The following THSD4 variants were observed in gnomAD, a reference collection of about 807,000 sequenced individuals.
The protein encoded by THSD4 is thrombospondin type-1 domain-containing protein 4.
Under a neutral mutation model 119.0 loss-of-function variants are expected in THSD4, and 69 were observed. That is an observed-to-expected ratio of 0.58 (90% CI 0.48 to 0.71). The LOEUF (loss-of-function observed/expected upper bound fraction) is 0.71, where lower values mean the gene tolerates loss of function less well. Among genes scored for constraint, THSD4 ranks in the 30% least tolerant of loss-of-function variants. The pLI is 0.00. For synonymous variants in THSD4, 524 were observed against 540.4 expected, an observed-to-expected ratio of 0.97 and a Z score of 0.42; for missense variants, 1,393 against 1,391.1, an observed-to-expected ratio of 1.00 and a Z score of -0.02.
chr15:71,735,077 G>A (rs2141142930), intron 10 of THSD4, among the ~76,000 whole-genome samples: 1 of 151,772 alleles, frequency 6.6e-6, no homozygotes, highest in Admixed American at 6.6e-5. Context: ...CTGCTTGGGG[G>A]TTACACACAC....
intron 7 of THSD4, among the ~76,000 whole-genome samples, chr15:71,482,246 C>T (rs936379898): frequency 1.3e-5 from 2 of 151,278 alleles, no homozygotes; most frequent in African/African-American, 2.4e-5. Context: ...CTCCAGCCAT[C>T]ATATTTGAGT....
chr15:71,563,995 C>T (rs1030109633), intron 7 of THSD4, among the ~76,000 whole-genome samples: 1 of 152,194 alleles, frequency 6.6e-6, no homozygotes, highest in Non-Finnish European at 1.5e-5. Flanking sequence ...TTCCAAATTG[C>T]ACTGAGTTTT....
chr15:71,452,703 C>T (rs1233345471), intron 7 of THSD4, among the ~76,000 whole-genome samples: 1 of 152,100 alleles, frequency 6.6e-6, no homozygotes, highest in Non-Finnish European at 1.5e-5. Flanking sequence ...ACAGCCTCCA[C>T]CTCCTGGGTT....
intron 7 of THSD4, among the ~76,000 whole-genome samples, chr15:71,633,437 G>T (rs2050676345): frequency 1.3e-5 from 2 of 151,890 alleles, no homozygotes; most frequent in South Asian, 4.2e-4. Flanking sequence ...CGCCATGCTG[G>T]CTTATTTTTG....
At chr15:71,293,179 A>G (rs2044816721) in intron 6 of THSD4, among the ~76,000 whole-genome samples, 1 of 152,194 alleles carries the variant, frequency 6.6e-6, no homozygotes, top group Admixed American at 6.5e-5. Context: ...GCAGCTCAGC[A>G]TGCATAGGTG....
chr15:71,732,842 C>A (rs2141138122), intron 10 of THSD4: 1 of 152,242 alleles, frequency 6.6e-6, no homozygotes, highest in Middle Eastern at 3.4e-3. Flanking sequence ...GGCACAAGTG[C>A]CAAACCCGCC....
chr15:71,757,848 G>A (rs1298213996), intron 14 of THSD4, 54 bp from the exon 15 acceptor site: 1 of 1,601,422 alleles, frequency 6.2e-7, no homozygotes, highest in East Asian at 2.2e-5. Flanking sequence ...TTTGAAAGTG[G>A]CTTCAGCAGC....
intron 7 of THSD4, among the ~76,000 whole-genome samples, chr15:71,635,785 G>A (rs569454654): frequency 7.2e-5 from 11 of 152,182 alleles, no homozygotes; most frequent in South Asian, 2.1e-4. Flanking sequence ...TGGAATTAAC[G>A]TTTATTGGGT....
chr15:71,753,375 A>G (rs1460644102), intron 14 of THSD4, among the ~76,000 whole-genome samples: 1 of 152,248 alleles, frequency 6.6e-6, no homozygotes, highest in Admixed American at 6.5e-5. Flanking sequence ...GGTAACACCT[A>G]ATTTCTAAGA....
intron 7 of THSD4, among the ~76,000 whole-genome samples, chr15:71,653,312 G>C (rs1875413): frequency 0.37 from 55,706 of 152,128 alleles, 11,200 homozygotes; most frequent in East Asian, 0.9. Context: ...AAGGCTGTTT[G>C]TGCACTTCTG....
Position 71,777,272 on chromosome 15 carries a change from G to A in THSD4, c.2955G>A (p.Val985=). Residue 985 remains valine, a synonymous_variant, in exon 18 of 18, where the codon GTG becomes GTA. Coordinates refer to ENST00000261862, the MANE Select transcript of THSD4 (RefSeq NM_024817.3). ...CKDKYYNCNV[V]VQARLCVYNY... ...ACAAGTACTACAACTGCAACGTGGT[G>A]GTCCAGGCAAGACTCTGTGTCTACA... 5 of 1,614,204 alleles carry A rather than the reference G, an allele frequency of 3.1e-6. No individual in the cohort carries two copies. The highest frequency in any genetic ancestry group is 4.2e-6 in the Non-Finnish European group (5 of 1,180,032).
chr15:71,506,405 C>T (rs537552629), intron 7 of THSD4, among the ~76,000 whole-genome samples: 16 of 152,342 alleles, frequency 1.1e-4, no homozygotes, highest in African/African-American at 1.4e-4. Flanking sequence ...TCCCCATGTA[C>T]TGTCAAGAGG....
intron 6 of THSD4, among the ~76,000 whole-genome samples, chr15:71,304,430 G>T (rs1220261953): frequency 6.6e-6 from 1 of 151,962 alleles, no homozygotes; most frequent in Non-Finnish European, 1.5e-5. Context: ...AGTTTGCCAT[G>T]GAGAGAATAG....
intron 6 of THSD4, among the ~76,000 whole-genome samples, chr15:71,307,554 GAGGAC>G (rs957548847): frequency 2.0e-5 from 3 of 152,158 alleles, no homozygotes; most frequent in Non-Finnish European, 2.9e-5. Flanking sequence ...GGTAGATCAT[GAGGAC>G]AGGAGTTCAA....
intron 3 of THSD4, 98 bp downstream of exon 3, chr15:71,155,030 C>G: frequency 1.8e-6 from 2 of 1,122,176 alleles, no homozygotes; most frequent in South Asian, 2.5e-5. Flanking sequence ...GGTGAGTCAC[C>G]ACTGATCCTG....
At chr15:71,521,508 C>A (rs2048440639) in intron 7 of THSD4, among the ~76,000 whole-genome samples, 1 of 152,156 alleles carries the variant, frequency 6.6e-6, no homozygotes, top group Admixed American at 6.5e-5. Flanking sequence ...GCTCCGTGAT[C>A]CTGGCAGAGT....
chr15:71,660,609 G>C lies in THSD4; in HGVS notation c.1232G>C (p.Cys411Ser). 6.2e-7 allele frequency: 1 copy of C among 1,614,196 alleles called. No individual in the cohort carries two copies. The highest frequency in any genetic ancestry group is 8.5e-7 in the Non-Finnish European group (1 of 1,180,034). Residue 411 changes from cysteine to serine, a missense_variant, in exon 8 of 18, where the codon TGT becomes TCT. Transcript: ENST00000261862. Reference protein sequence around the residue: ...CGVCGGDNTGCQVVSGVFKHA... With the variant: ...CGVCGGDNTGSQVVSGVFKHA... The stretch of plus-strand genomic sequence containing the variant: ...GTGTGTGGAGGAGACAACACGGGCT[G>C]TCAGGTTGTGTCGGGCGTGTTTAAG...
intron 7 of THSD4, among the ~76,000 whole-genome samples, chr15:71,413,765 T>C (rs532090891): frequency 1.3e-5 from 2 of 152,344 alleles, no homozygotes; most frequent in South Asian, 4.1e-4. Context: ...GGAAACATCA[T>C]GGGAAACATC....
intron 1 of THSD4, among the ~76,000 whole-genome samples, chr15:71,136,841 G>A (rs1357848331): frequency 6.6e-6 from 1 of 152,134 alleles, no homozygotes; most frequent in Non-Finnish European, 1.5e-5. Flanking sequence ...TCAGAGGTGG[G>A]CCTGTGTGTA....
Sources: gnomAD v4.1 joint callset for allele counts (sites outside exome capture counted in the v4.1 genomes callset) on GRCh38, gnomAD v4.1.1 for gene constraint, MANE v1.5 for transcripts, NCBI Gene and HGNC (gene_info 2026-07-23, HGNC 2026-07-21) for gene names.